BRDT: variants seen among roughly 807,000 people sequenced by gnomAD.
BRDT encodes the protein bromodomain testis-specific protein.
A neutral mutation model predicts 113.9 loss-of-function variants in BRDT; 77 were observed. The observed-to-expected ratio is 0.68, with a 90% confidence interval of 0.56 to 0.82. BRDT has a LOEUF of 0.82. Among genes scored for constraint, BRDT ranks in the 40% least tolerant of loss-of-function variants. The probability of loss-of-function intolerance (pLI) is 0.00; values close to 1 mark genes in which losing one functional copy is unlikely to be tolerated. For synonymous variants in BRDT, 358 were observed against 366.5 expected (o/e 0.98, Z 0.26); for missense variants, 1,027 against 1,105.4 (o/e 0.93, Z 1.01).
intron 18 of BRDT, 39 bp from the exon 19 acceptor site, chr1:92,014,167 T>G (rs1456860895): frequency 7.2e-7 from 1 of 1,392,884 alleles, no homozygotes; most frequent in Admixed American, 2.0e-5. Flanking sequence ...AAGACATACA[T>G]TTTTAAAGTA....
At chr1:91,989,556 T>A (rs1479536019) in intron 12 of BRDT, among the ~76,000 whole-genome samples, 1 of 152,096 alleles carries the variant, frequency 6.6e-6, no homozygotes, top group African/African-American at 2.4e-5. Flanking sequence ...AGATGGGGTT[T>A]CAACTTGTTG....
rs538162148 is a variant in BRDT, at chr1:91,967,438, G to T, written c.331-708G>T. 7.8e-4 allele frequency among the ~76,000 whole-genome samples: 116 copies of T among 148,480 alleles called. No homozygotes were observed. In the Middle Eastern group the frequency reaches 0.014, roughly 18 times the overall value. ...TTTTAAACGTAGTTTTGCTCTTGTT[G>T]CCCAGGCTGGAGTGCGATGGCACTA... On this transcript the variant is annotated intron_variant, in intron 3 of 18. Coordinates refer to ENST00000399546, the MANE Select transcript of BRDT (RefSeq NM_207189.4).
chr1:91,955,805 TCAC>T (rs34266338), intron 1 of BRDT, among the ~76,000 whole-genome samples: 76,149 of 151,838 alleles, frequency 0.5, 19,561 homozygotes, highest in East Asian at 0.56. Flanking sequence ...TGCAGAGAGT[TCAC>T]CACTGAGAAG....
At chr1:91,967,672 G>A (rs9803619) in intron 3 of BRDT, among the ~76,000 whole-genome samples, 119,589 of 152,032 alleles carry the variant, frequency 0.79, 47,735 homozygotes, top group Non-Finnish European at 0.85. Flanking sequence ...TTCTGGGATT[G>A]TAGGCGTGAG....
intron 12 of BRDT, among the ~76,000 whole-genome samples, chr1:91,985,911 T>C (rs573444179): frequency 7.8e-4 from 119 of 152,304 alleles, no homozygotes; most frequent in African/African-American, 2.7e-3. Flanking sequence ...GTGCTGGGAT[T>C]ACAGGCGTGA....
rs1684147702 is a variant in BRDT, at chr1:91,976,427, A to G, written c.607A>G (p.Thr203Ala). Residue 203 changes from threonine to alanine, a missense_variant, in exon 5 of 19, where the codon ACT becomes GCT. By Grantham distance (58) the Thr-to-Ala change is moderately conservative. Coordinates refer to ENST00000399546, the MANE Select transcript of BRDT (RefSeq NM_207189.4). ...AGCTTCAGTCAACTCCAGTTCACAAACTGCGGCCCAAGTAAGTTTGTTGTA... is the reference window on the plus strand; with the variant it reads ...AGCTTCAGTCAACTCCAGTTCACAAGCTGCGGCCCAAGTAAGTTTGTTGTA... ...QGASVNSSSQ[T>A]AAQVTKGVKR... The G allele has an allele frequency of 1.3e-6, 2 of 1,554,650 alleles. No homozygotes were observed. Among genetic ancestry groups the G allele is most frequent in the Admixed American group, 2.1e-5 (1 of 47,790 alleles).
chr1:92,013,212 T>G (rs1410364135), intron 18 of BRDT, among the ~76,000 whole-genome samples: 2 of 90,134 alleles, frequency 2.2e-5, no homozygotes, highest in Non-Finnish European at 5.2e-5. Flanking sequence ...AACGACACAA[T>G]GTTTCAAAAA....
intron 8 of BRDT, among the ~76,000 whole-genome samples, chr1:91,979,965 CTATT>C (rs1469518507): frequency 6.6e-6 from 1 of 152,140 alleles, no homozygotes; most frequent in African/African-American, 2.4e-5. Flanking sequence ...ATTATGTTAT[CTATT>C]CCTAATCATG....
At chr1:92,006,707 A>T (rs1178933604) in intron 18 of BRDT, among the ~76,000 whole-genome samples, 1 of 152,086 alleles carries the variant, frequency 6.6e-6, no homozygotes, top group Non-Finnish European at 1.5e-5. Context: ...ACCTTAGGCA[A>T]TCGCCTGCCT....
At chr1:91,977,015 T>C in intron 5 of BRDT, 28 bp from the exon 6 acceptor site, 3 of 1,497,770 alleles carry the variant, frequency 2.0e-6, no homozygotes. Flanking sequence ...CTCAAATATA[T>C]TTTTGTTGTT....
Position 91,994,144 on chromosome 1 carries a change from C to T in BRDT, c.2177C>T (p.Pro726Leu), listed in dbSNP as rs776883119. ...ANTTLVHQTT[P>L]SHVMPPNHHQ... is the part of the protein sequence containing the mutation. ...ACTACCCTTGTTCATCAGACCACACCTTCACATGTAATGCCACCAAATCAC... is the reference window on the plus strand; with the variant it reads ...ACTACCCTTGTTCATCAGACCACACTTTCACATGTAATGCCACCAAATCAC... The change falls in exon 15 of 19, where the codon CCT (proline) becomes CTT (leucine). Residue 726 changes from proline (P) to leucine (L), a missense_variant. Physicochemically the swap from Pro to Leu is moderately conservative, Grantham distance 98. Coordinates refer to ENST00000399546, the MANE Select transcript of BRDT (RefSeq NM_207189.4). 11 of 1,613,526 alleles carry T rather than the reference C, an allele frequency of 6.8e-6. No individual in the cohort carries two copies. Among genetic ancestry groups the T allele is most frequent in the Middle Eastern group, 1.6e-4 (1 of 6,082 alleles).
At chr1:91,968,031 T>C in intron 3 of BRDT, 115 bp from the exon 4 acceptor site, 2 of 958,354 alleles carry the variant, frequency 2.1e-6, no homozygotes, top group Non-Finnish European at 2.9e-6. Context: ...TTATAAGAGA[T>C]GAATACCGTC....
At position 91,964,748 on chromosome 1, in the gene BRDT, G is replaced by T; in HGVS notation, c.314G>T (p.Cys105Phe). ...GACTTCAATACAATGTTCTCAAATT[G>T]TTATTTATATAACAAGGTATGTAAG... ...IEDFNTMFSN[C>F]YLYNKPGDDI... is the part of the protein sequence containing the mutation. Residue 105 changes from cysteine to phenylalanine, a missense_variant, in exon 3 of 19, where the codon TGT becomes TTT. Cys to Phe is a radical substitution (Grantham distance 205). Transcript: ENST00000399546. 1 of 1,478,984 alleles carries T rather than the reference G, an allele frequency of 6.8e-7. No homozygotes were observed. Among genetic ancestry groups the T allele is most frequent in the Non-Finnish European group, 9.1e-7 (1 of 1,094,276 alleles). The allele number at this position is 1,478,984 out of a possible 1,614,324, so 91.6% of individuals were successfully genotyped here. A position where few individuals can be genotyped will look rare whatever the true frequency, so the allele number is the denominator to read the frequency against.
chr1:91,981,587 TG>T, intron 11 of BRDT, 30 bp from the exon 12 acceptor site: 1 of 1,606,856 alleles, frequency 6.2e-7, no homozygotes, highest in Non-Finnish European at 8.5e-7. Context: ...TTAATTCTTC[TG>T]GCATTTTAAT....
chr1:91,994,739 G>A (rs896995907), intron 15 of BRDT, among the ~76,000 whole-genome samples: 11 of 150,276 alleles, frequency 7.3e-5, no homozygotes, highest in African/African-American at 2.0e-4. Context: ...GCAGTGGCGG[G>A]CGCCTGTAGT....
intron 12 of BRDT, among the ~76,000 whole-genome samples, chr1:91,983,195 A>C (rs1684872622): frequency 6.6e-6 from 1 of 152,128 alleles, no homozygotes; most frequent in Non-Finnish European, 1.5e-5. Context: ...GTGTTCTTAA[A>C]ATAGTGCAAT....
At chr1:91,965,677 G>T (rs573283355) in intron 3 of BRDT, among the ~76,000 whole-genome samples, 5 of 151,990 alleles carry the variant, frequency 3.3e-5, no homozygotes, top group African/African-American at 9.6e-5. Context: ...GTGAAACCCC[G>T]CCTCACTAGA....
chr1:91,979,913 T>TA (rs1387553174), intron 8 of BRDT, among the ~76,000 whole-genome samples, 156 bp downstream of exon 8: 1 of 152,244 alleles, frequency 6.6e-6, no homozygotes, highest in African/African-American at 2.4e-5. Context: ...TAGTTTTTCC[T>TA]AATCAAATAT....
chr1:91,990,403 C>T (rs1430797375), intron 12 of BRDT, among the ~76,000 whole-genome samples: 3 of 152,146 alleles, frequency 2.0e-5, no homozygotes, highest in Admixed American at 1.3e-4. Flanking sequence ...AAGACTGTAT[C>T]CTCTCAGATA....
Sources: gnomAD v4.1 joint callset for allele counts (sites outside exome capture counted in the v4.1 genomes callset) on GRCh38, gnomAD v4.1.1 for gene constraint, MANE v1.5 for transcripts, NCBI Gene and HGNC (gene_info 2026-07-23, HGNC 2026-07-21) for gene names.